OTULIN: variants seen among roughly 807,000 people sequenced by gnomAD.
The protein encoded by OTULIN is OTU deubiquitinase with linear linkage specificity.
Under a neutral mutation model 39.6 loss-of-function variants are expected in OTULIN, and 15 were observed. That is an observed-to-expected ratio of 0.38 (90% CI 0.25 to 0.58). OTULIN has a LOEUF of 0.58. OTULIN is among the 20% of genes least tolerant of loss of function. The pLI is 0.66. For synonymous variants in OTULIN, 156 were observed against 170.3 expected (o/e 0.92, Z 0.65); for missense variants, 319 against 445.9 (o/e 0.72, Z 2.56).
At chr5:14,680,494 A>G (rs1289521187) in intron 3 of OTULIN, among the ~76,000 whole-genome samples, 1 of 152,084 alleles carries the variant, frequency 6.6e-6, no homozygotes, top group East Asian at 1.9e-4. Context: ...CTGTCAATGA[A>G]AAGTTGGATG....
In OTULIN at chr5:14,696,978, G is replaced by A. The variant is rs1736685715; in HGVS notation, c.*3930G>A. 6.6e-6 allele frequency: 1 copy of A among 152,264 alleles called. No individual in the cohort carries two copies. The highest frequency in any genetic ancestry group is 2.4e-5 in the African/African-American group (1 of 41,460). 9.4% of individuals were successfully genotyped at this position (152,264 alleles called of 1,614,324 possible). The stretch of plus-strand genomic sequence containing the variant: ...CAAAACTAAACTGGTTTGACAGCCT[G>A]CCACTTCTGGCATTTCCTGTAAGTC... On this transcript the variant is annotated 3_prime_UTR_variant, in exon 7 of 7. Transcript: ENST00000284274.
intron 1 of OTULIN, 122 bp downstream of exon 1, chr5:14,665,099 C>T: frequency 1.2e-6 from 1 of 813,774 alleles, no homozygotes; most frequent in Non-Finnish European, 1.5e-6. Flanking sequence ...TGAGTGAGGC[C>T]GTTGGCGACA....
intron 2 of OTULIN, among the ~76,000 whole-genome samples, chr5:14,677,015 G>A (rs1736119768): frequency 6.6e-6 from 1 of 152,136 alleles, no homozygotes; most frequent in Admixed American, 6.5e-5. Flanking sequence ...AGATAAATAT[G>A]TCTATGTTAT....
chr5:14,673,499 C>A, intron 1 of OTULIN, 143 bp from the exon 2 acceptor site: 1 of 491,986 alleles, frequency 2.0e-6, no homozygotes, highest in Middle Eastern at 3.0e-4. Context: ...AGATAGAAGA[C>A]TCATATTTTA....
chr5:14,666,235 G>A (rs1378610258), intron 1 of OTULIN, among the ~76,000 whole-genome samples: 1 of 152,210 alleles, frequency 6.6e-6, no homozygotes, highest in Non-Finnish European at 1.5e-5. Flanking sequence ...CATGTTCTCA[G>A]AAGTATATGT....
At chr5:14,703,559 T>A (rs1736855389), downstream of OTULIN, among the ~76,000 whole-genome samples, 1 of 151,976 alleles carries the variant, frequency 6.6e-6, no homozygotes, top group Admixed American at 6.6e-5. Context: ...TAAATGTGCC[T>A]CCTCTAGATG....
At chr5:14,666,846 A>G (rs1046229513) in intron 1 of OTULIN, among the ~76,000 whole-genome samples, 3 of 152,118 alleles carry the variant, frequency 2.0e-5, no homozygotes, top group Non-Finnish European at 4.4e-5. Context: ...CTGTTTCTCT[A>G]TGGTATTTTC....
chr5:14,701,487 C>T (rs1308934179), downstream of OTULIN, among the ~76,000 whole-genome samples: 3 of 152,142 alleles, frequency 2.0e-5, no homozygotes, highest in Non-Finnish European at 4.4e-5. Context: ...GAGTCAGACA[C>T]CAGCCCACTG....
the OTULIN span, among the ~76,000 whole-genome samples, chr5:14,714,391 T>G: frequency 6.6e-6 from 1 of 152,218 alleles, no homozygotes; most frequent in South Asian, 2.1e-4. Context: ...CCTGAGCATC[T>G]AGATTCCATC....
chr5:14,664,729 C>G lies in OTULIN; in HGVS notation c.-97C>G, dbSNP rs560512097. On this transcript the variant is annotated 5_prime_UTR_variant, in exon 1 of 7. Coordinates refer to ENST00000284274, the MANE Select transcript of OTULIN (RefSeq NM_138348.6). ...CTCTGCGGGCCCTCGGAAACCGCCCCGGCGGCTGAGAGGCTGCGGCCACTG... is the reference window on the plus strand; with the variant it reads ...CTCTGCGGGCCCTCGGAAACCGCCCGGGCGGCTGAGAGGCTGCGGCCACTG... 0.019 allele frequency: 20,045 copies of G among 1,071,810 alleles called. 226 individuals carry two copies. Among genetic ancestry groups the G allele is most frequent in the South Asian group, 0.02 (452 of 22,114 alleles). 66.4% of individuals were successfully genotyped at this position (1,071,810 alleles called of 1,614,324 possible).
chr5:14,702,350 T>A (rs1206965701), downstream of OTULIN, among the ~76,000 whole-genome samples: 1 of 152,168 alleles, frequency 6.6e-6, no homozygotes, highest in Non-Finnish European at 1.5e-5. Flanking sequence ...GTGACTGGTC[T>A]GAAGCTTGGG....
chr5:14,667,281 CTAGGT>C (rs1451165561), intron 1 of OTULIN, among the ~76,000 whole-genome samples: 1 of 152,208 alleles, frequency 6.6e-6, no homozygotes, highest in African/African-American at 2.4e-5. Context: ...AGGTAGCACA[CTAGGT>C]TACTCTTGAT....
intron 5 of OTULIN, among the ~76,000 whole-genome samples, chr5:14,689,334 A>C (rs889032528): frequency 1.3e-5 from 2 of 152,226 alleles, no homozygotes; most frequent in Non-Finnish European, 2.9e-5. Context: ...ATGGTGTTTG[A>C]GAGGGGCACT....
At chr5:14,670,049 G>T (rs781050390) in intron 1 of OTULIN, among the ~76,000 whole-genome samples, 9 of 152,086 alleles carry the variant, frequency 5.9e-5, no homozygotes, top group Non-Finnish European at 1.3e-4. Context: ...TCCTTTATTT[G>T]TATCCTTTAA....
chr5:14,681,431 G>A (rs770017442), intron 3 of OTULIN, 33 bp from the exon 4 acceptor site: 9 of 1,574,870 alleles, frequency 5.7e-6, no homozygotes, highest in Non-Finnish European at 6.0e-6. Context: ...AGTCAGTAAC[G>A]ACCATTTTGA....
In OTULIN at chr5:14,697,038, C is replaced by G. The variant is rs1223081725; in HGVS notation, c.*3990C>G. The G allele has an allele frequency of 6.6e-6, 1 of 152,050 alleles. No individual in the cohort carries two copies. The highest frequency in any genetic ancestry group is 2.4e-5 in the African/African-American group (1 of 41,290). The allele number at this position is 152,050 out of a possible 1,614,324, so 9.4% of individuals were successfully genotyped here. The stretch of plus-strand genomic sequence containing the variant: ...AGGTGTGAGGTGGGCTTGCCCATGA[C>G]CAGGAGGGGTGTGTGTGTGTGTGTG... On this transcript the variant is annotated 3_prime_UTR_variant, in exon 7 of 7. Coordinates refer to ENST00000284274, the MANE Select transcript of OTULIN (RefSeq NM_138348.6).
chr5:14,710,005 C>G, the OTULIN span: 30 of 152,120 alleles, frequency 2.0e-4, 1 homozygote, highest in East Asian at 5.4e-3. Context: ...AGGAAAAAAC[C>G]TGCTTTCCAA....
downstream of OTULIN, among the ~76,000 whole-genome samples, chr5:14,703,228 T>C (rs574110351): frequency 5.3e-5 from 8 of 151,862 alleles, no homozygotes; most frequent in African/African-American, 1.9e-4. Context: ...CTGTTTTATA[T>C]TGTCCAGGTA....
the OTULIN span, chr5:14,710,617 G>A: frequency 0.013 from 2,124 of 160,500 alleles, 15 homozygotes; most frequent in Non-Finnish European, 0.021. Flanking sequence ...CAGTGTGAAC[G>A]GGGACTCCGG....
Sources: allele counts gnomAD v4.1 joint callset (sites outside exome capture counted in the v4.1 genomes callset), GRCh38; gene constraint gnomAD v4.1.1; transcripts MANE v1.5; gene names NCBI Gene and HGNC (gene_info 2026-07-23, HGNC 2026-07-21).